ICE1: variants seen among roughly 807,000 people sequenced by gnomAD.
ICE1 encodes little elongation complex subunit 1.
In ICE1, 64 loss-of-function variants were observed where a neutral mutation model predicts 192.7. The observed-to-expected ratio is 0.33, with a 90% CI of 0.27 to 0.41. The LOEUF is 0.41. Ranked by LOEUF, ICE1 falls within the 10% of genes least tolerant of loss-of-function variation. The probability of loss-of-function intolerance (pLI) is 1.00; values close to 1 mark genes in which losing one functional copy is unlikely to be tolerated. For missense variants in ICE1, 2,708 were observed against 2,696.0 expected, an observed-to-expected ratio of 1.00 and a Z score of -0.10; for synonymous variants, 1,010 against 984.5, an observed-to-expected ratio of 1.03 and a Z score of -0.49.
Position 5,464,009 on chromosome 5 carries a change from TCAAA to T in ICE1, c.4680_4683del (p.Asn1560LysfsTer8). Reference sequence around the variant, plus strand: ...CAAAAATAAGAATCGATCAAAGATTTCAAACAAAGATCAGTCAAACAAACCAGTA... The same window carrying T: ...CAAAAATAAGAATCGATCAAAGATTTCAAAGATCAGTCAAACAAACCAGTA... On this transcript the variant is annotated frameshift_variant, in exon 13 of 19. Coordinates refer to ENST00000296564, the MANE Select transcript of ICE1 (RefSeq NM_015325.3). LOFTEE classifies it high-confidence loss of function. The surrounding 1 kb of genome is among the most constrained non-coding windows in gnomAD (Gnocchi z 4.0). 4 of 1,613,710 alleles carry T rather than the reference TCAAA, an allele frequency of 2.5e-6. No individual in the cohort carries two copies. Among genetic ancestry groups the T allele is most frequent in the Non-Finnish European group, 3.4e-6 (4 of 1,179,832 alleles).
intron 17 of ICE1, among the ~76,000 whole-genome samples, chr5:5,482,319 A>G (rs1252443735): frequency 6.6e-6 from 1 of 152,246 alleles, no homozygotes; most frequent in East Asian, 1.9e-4. Flanking sequence ...ATACAATTAT[A>G]TGTTATAGAG....
intron 15 of ICE1, among the ~76,000 whole-genome samples, chr5:5,471,042 A>AG (rs1739143354): frequency 6.6e-6 from 1 of 152,248 alleles, no homozygotes; most frequent in Admixed American, 6.5e-5. Context: ...ATAAATTTTA[A>AG]GAGATAGTAG....
At chr5:5,470,027 C>T (rs998500072) in intron 15 of ICE1, among the ~76,000 whole-genome samples, 3 of 152,248 alleles carry the variant, frequency 2.0e-5, no homozygotes, top group Non-Finnish European at 4.4e-5. Context: ...TTGAGGGTTA[C>T]TGCCTTCCGA....
chr5:5,488,466 G>T (rs1739687087), intron 18 of ICE1, among the ~76,000 whole-genome samples: 2 of 152,158 alleles, frequency 1.3e-5, no homozygotes, highest in African/African-American at 4.8e-5. Flanking sequence ...CAGCTTCGGA[G>T]CATTTTGGAT....
chr5:5,426,378 G>A (rs1007628131), intron 1 of ICE1, among the ~76,000 whole-genome samples: 9 of 151,472 alleles, frequency 5.9e-5, no homozygotes, highest in South Asian at 2.1e-4. Flanking sequence ...CTGGGAGGCC[G>A]AGGTTGCAGT....
chr5:5,430,773 A>G (rs1002889407), intron 1 of ICE1, among the ~76,000 whole-genome samples: 1 of 152,214 alleles, frequency 6.6e-6, no homozygotes, highest in African/African-American at 2.4e-5. Flanking sequence ...TTAGATCAGT[A>G]TTTGAAGTTG....
rs770998535 is a variant in ICE1, at chr5:5,463,375, G to T, written c.4041G>T (p.Glu1347Asp). Residue 1347 changes from glutamate (E) to aspartate (D), a missense_variant, in exon 13 of 19, where the codon GAG becomes GAT. Physicochemically the swap from Glu to Asp is conservative, Grantham distance 45. Around this residue, in one of 2 missense-constraint regions of ICE1, gnomAD observed 2,366 missense variants for 2,276.6 expected, o/e 1.04. Coordinates refer to ENST00000296564, the MANE Select transcript of ICE1 (RefSeq NM_015325.3). Reference protein sequence around the residue: ...PQNENPQSRPEARSDAGRQTD... With the variant: ...PQNENPQSRPDARSDAGRQTD... ...ATGAAAACCCTCAGAGCAGACCAGA[G>T]GCCCGTTCAGATGCAGGCAGGCAAA... 10 of 1,613,700 alleles carry T rather than the reference G, an allele frequency of 6.2e-6. No homozygotes were observed. The highest frequency in any genetic ancestry group is 7.6e-6 in the Non-Finnish European group (9 of 1,179,878).
rs868195799 is a variant in ICE1, at chr5:5,464,274, C to T, written c.4940C>T (p.Ser1647Leu). 6.2e-7 allele frequency: 1 copy of T among 1,613,620 alleles called. No individual in the cohort carries two copies. Among genetic ancestry groups the T allele is most frequent in the African/African-American group, 1.3e-5 (1 of 74,902 alleles). The stretch of plus-strand genomic sequence containing the variant: ...CTGATAGCTACACCTCCAAGGACTT[C>T]ACAGCCACTGTCTCCACTGATATCG... Reference protein sequence around the residue: ...APLIATPPRTSQPLSPLISSS... With the variant: ...APLIATPPRTLQPLSPLISSS... Residue 1647 changes from serine (S) to leucine (L), a missense_variant, in exon 13 of 19, where the codon TCA becomes TTA. Around this residue, in one of 2 missense-constraint regions of ICE1, gnomAD observed 2,366 missense variants for 2,276.6 expected, o/e 1.04. Transcript: ENST00000296564. The surrounding 1 kb of genome is among the most constrained non-coding windows in gnomAD (Gnocchi z 4.0).
Position 5,463,610 on chromosome 5 carries a change from A to T in ICE1, c.4276A>T (p.Ile1426Phe). Residue 1426 changes from isoleucine to phenylalanine, a missense_variant, in exon 13 of 19, where the codon ATC becomes TTC. By Grantham distance (21) the Ile-to-Phe change is conservative. Coordinates refer to ENST00000296564, the MANE Select transcript of ICE1 (RefSeq NM_015325.3). ...LVIEKGDNWT[I>F]ISGVAVLPHV... ...CATTGAAAAGGGGGACAACTGGACA[A>T]TCATCAGTGGTGTAGCTGTCTTGCC... 2.5e-6 allele frequency: 4 copies of T among 1,614,062 alleles called. No individual in the cohort carries two copies. The highest frequency in any genetic ancestry group is 3.4e-6 in the Non-Finnish European group (4 of 1,179,904).
chr5:5,461,173 T>C lies in ICE1; in HGVS notation c.1839T>C (p.Asp613=). 1 of 1,614,038 alleles carries C rather than the reference T, an allele frequency of 6.2e-7. No individual in the cohort carries two copies. The highest frequency in any genetic ancestry group is 8.5e-7 in the Non-Finnish European group (1 of 1,179,894). ...TLGESPESED[D]DSGDGMDVAG... is the part of the protein sequence containing the mutation. ...GAGAATCACCTGAATCAGAAGATGA[T>C]GACTCAGGTGATGGAATGGATGTAG... is the stretch of plus-strand genomic sequence containing the variant. Residue 613 remains aspartate, a synonymous_variant, in exon 13 of 19, where the codon GAT becomes GAC. Coordinates refer to ENST00000296564, the MANE Select transcript of ICE1 (RefSeq NM_015325.3).
intron 3 of ICE1, among the ~76,000 whole-genome samples, chr5:5,439,682 C>CTT (rs375046571): frequency 1.2e-3 from 176 of 152,228 alleles, no homozygotes; most frequent in African/African-American, 4.0e-3. Flanking sequence ...GATATTTTGA[C>CTT]TTGGTACATG....
At position 5,489,215 on chromosome 5, in the gene ICE1, C is replaced by A. The variant is rs774892454; in HGVS notation, c.6686C>A (p.Ala2229Glu). 2 of 1,613,850 alleles carry A rather than the reference C, an allele frequency of 1.2e-6. No homozygotes were observed. The highest frequency in any genetic ancestry group is 1.7e-6 in the Non-Finnish European group (2 of 1,179,892). The change falls in exon 19 of 19, where the codon GCA becomes GAA. Residue 2229 changes from alanine to glutamate, a missense_variant. By Grantham distance (107) the Ala-to-Glu change is moderately radical. Around this residue, in one of 2 missense-constraint regions of ICE1, gnomAD observed 342 missense variants for 419.3 expected, o/e 0.82. Coordinates refer to ENST00000296564, the MANE Select transcript of ICE1 (RefSeq NM_015325.3). ...ALCDLSPSNP[A>E]EISKILEAWR... Reference sequence around the variant, plus strand: ...TGTGACTTGAGTCCCAGCAATCCAGCAGAAATTTCCAAGATCCTGGAAGCT... The same window carrying A: ...TGTGACTTGAGTCCCAGCAATCCAGAAGAAATTTCCAAGATCCTGGAAGCT...
At chr5:5,434,013 T>A (rs1195344291) in intron 1 of ICE1, among the ~76,000 whole-genome samples, 1 of 152,102 alleles carries the variant, frequency 6.6e-6, no homozygotes, top group Non-Finnish European at 1.5e-5. Flanking sequence ...TAGTGTTCAA[T>A]TACTTTTATC....
chr5:5,457,431 C>T lies in ICE1; in HGVS notation c.791C>T (p.Thr264Ile), dbSNP rs747711438. The T allele has an allele frequency of 1.9e-6, 3 of 1,613,822 alleles. No homozygotes were observed. The highest frequency in any genetic ancestry group is 2.5e-6 in the Non-Finnish European group (3 of 1,179,804). Residue 264 changes from threonine to isoleucine, a missense_variant, in exon 12 of 19, where the codon ACA (threonine) becomes ATA (isoleucine). By Grantham distance (89) the Thr-to-Ile change is moderately conservative. Transcript: ENST00000296564. ...CCTCTCAGGACCTCAAATGTGCAGA[C>T]ATGCCTCACAAAACTGTCCATGGAG... is the stretch of plus-strand genomic sequence containing the variant. ...GSPLRTSNVQTCLTKLSMEIK... is the reference protein window; with the variant it reads ...GSPLRTSNVQICLTKLSMEIK...
chr5:5,459,165 G>A (rs1738680559), intron 12 of ICE1, among the ~76,000 whole-genome samples: 1 of 152,112 alleles, frequency 6.6e-6, no homozygotes, highest in Non-Finnish European at 1.5e-5. Context: ...GAGCCACCGC[G>A]CCTGGCCACA....
intron 3 of ICE1, among the ~76,000 whole-genome samples, chr5:5,438,870 TA>T (rs917825096): frequency 2.0e-5 from 3 of 152,180 alleles, no homozygotes; most frequent in Admixed American, 2.0e-4. Context: ...TACATACCTT[TA>T]AAAAAATATG....
chr5:5,460,829 A>G lies in ICE1; in HGVS notation c.1495A>G (p.Lys499Glu), dbSNP rs1030708671. 1 of 1,614,056 alleles carries G rather than the reference A, an allele frequency of 6.2e-7. No individual in the cohort carries two copies. The highest frequency in any genetic ancestry group is 2.2e-5 in the East Asian group (1 of 44,886). The part of the protein sequence containing the change: ...REMDKSVQTE[K>E]TIHKLTRGLC... The stretch of plus-strand genomic sequence containing the variant: ...GATGGATAAGTCAGTACAAACTGAG[A>G]AGACCATTCATAAACTCACTCGAGG... The change falls in exon 13 of 19, where the codon AAG (lysine) becomes GAG (glutamate). Residue 499 changes from lysine to glutamate, a missense_variant. Lys to Glu is a moderately conservative substitution (Grantham distance 56, BLOSUM62 1). Coordinates refer to ENST00000296564, the MANE Select transcript of ICE1 (RefSeq NM_015325.3).
intron 6 of ICE1, among the ~76,000 whole-genome samples, chr5:5,443,517 A>G (rs115393176): frequency 3.9e-4 from 60 of 152,260 alleles, no homozygotes; most frequent in African/African-American, 1.4e-3. Context: ...CTCTGTATGT[A>G]TATGCATTAT....
intron 1 of ICE1, among the ~76,000 whole-genome samples, chr5:5,434,589 G>A (rs1489046388): frequency 1.3e-5 from 2 of 152,098 alleles, no homozygotes; most frequent in Non-Finnish European, 2.9e-5. Context: ...ATGTAATATA[G>A]CAAAAACAGC....
Sources: allele counts gnomAD v4.1 joint callset (sites outside exome capture counted in the v4.1 genomes callset), GRCh38; gene constraint gnomAD v4.1.1; regional missense constraint gnomAD v4.1.1; non-coding constraint Gnocchi (gnomAD v3.1); transcripts MANE v1.5; gene names NCBI Gene and HGNC (gene_info 2026-07-23, HGNC 2026-07-21).